The following KHDRBS2 variants were observed in gnomAD, a reference collection of about 807,000 sequenced individuals.
KHDRBS2 encodes the protein KH domain-containing, RNA-binding, signal transduction-associated protein 2.
In KHDRBS2, 26 loss-of-function variants were observed where a neutral mutation model predicts 44.3. The ratio of observed to expected loss-of-function variants is 0.59; its 90% CI spans 0.43 to 0.81. The LOEUF (loss-of-function observed/expected upper bound fraction) is 0.81. KHDRBS2 is among the 40% of genes least tolerant of loss of function. The pLI is 0.00. For missense variants in KHDRBS2, 476 were observed against 433.1 expected (o/e 1.10, Z -0.88); for synonymous variants, 194 against 151.1 (o/e 1.28, Z -2.08).
At chr6:62,093,856 TTGTG>T (rs61194705) in intron 2 of KHDRBS2, among the ~76,000 whole-genome samples, 3,665 of 143,262 alleles carry the variant, frequency 0.026, 68 homozygotes, top group East Asian at 0.11. Flanking sequence ...TTCCATTGTT[TTGTG>T]TGTGTGTGTG....
intron 4 of KHDRBS2, among the ~76,000 whole-genome samples, chr6:61,948,169 G>T: frequency 6.6e-6 from 1 of 151,838 alleles, no homozygotes; most frequent in Non-Finnish European, 1.5e-5. Flanking sequence ...ATGACAATAA[G>T]AAATAGAAAT....
At chr6:61,601,398 T>C in the KHDRBS2 span, among the ~76,000 whole-genome samples, 3 of 152,090 alleles carry the variant, frequency 2.0e-5, no homozygotes, top group South Asian at 6.2e-4. Context: ...TCAACTCACA[T>C]CTGACTTAAA....
At chr6:62,279,998 C>T (rs1841573816) in intron 1 of KHDRBS2, among the ~76,000 whole-genome samples, 1 of 152,172 alleles carries the variant, frequency 6.6e-6, no homozygotes, top group Non-Finnish European at 1.5e-5. Flanking sequence ...GGAGCTGTTT[C>T]TCTAGTGAGA....
intron 6 of KHDRBS2, among the ~76,000 whole-genome samples, chr6:61,836,632 C>T (rs1020519217): frequency 3.3e-5 from 5 of 151,992 alleles, no homozygotes; most frequent in Admixed American, 3.3e-4. Flanking sequence ...AGTGCTATAA[C>T]TAACTAGAGA....
At chr6:61,995,651 T>G (rs1215636594) in intron 3 of KHDRBS2, among the ~76,000 whole-genome samples, 2 of 152,154 alleles carry the variant, frequency 1.3e-5, no homozygotes, top group Non-Finnish European at 2.9e-5. Context: ...AGGGTGAGTC[T>G]GAATGTGGGG....
At chr6:61,874,765 A>G (rs1390687958) in intron 6 of KHDRBS2, among the ~76,000 whole-genome samples, 1 of 152,070 alleles carries the variant, frequency 6.6e-6, no homozygotes, top group Non-Finnish European at 1.5e-5. Context: ...CCCCTCCTCT[A>G]TACACCCATC....
the KHDRBS2 span, among the ~76,000 whole-genome samples, chr6:61,656,192 A>G: frequency 6.6e-6 from 1 of 152,086 alleles, no homozygotes; most frequent in Non-Finnish European, 1.5e-5. Context: ...TCAACAAGGA[A>G]AATAACACTG....
intron 8 of KHDRBS2, among the ~76,000 whole-genome samples, chr6:61,689,012 C>T (rs998340057): frequency 2.0e-5 from 3 of 151,906 alleles, no homozygotes; most frequent in Admixed American, 6.6e-5. Context: ...GTGATATCAG[C>T]CCAACCTGAG....
the KHDRBS2 span, among the ~76,000 whole-genome samples, chr6:61,662,034 T>C: frequency 6.6e-6 from 1 of 152,064 alleles, no homozygotes; most frequent in African/African-American, 2.4e-5. Flanking sequence ...AGCATGGTAC[T>C]GGTACCAAAA....
chr6:61,893,131 A>G (rs1472245534), intron 6 of KHDRBS2, among the ~76,000 whole-genome samples: 1 of 152,260 alleles, frequency 6.6e-6, no homozygotes, highest in East Asian at 1.9e-4. Context: ...TTATGCAGCC[A>G]AAAGACACAT....
rs575740604 is a variant in KHDRBS2 at position 62,052,502 on chromosome 6, T to G, written c.220-4508A>C. On this transcript the variant is annotated intron_variant, in intron 2 of 8. Transcript: ENST00000281156. ...AAGTCAGAGGATAAAATGTAGGAGATATGTAGGATGAACAAGTCTAGAGAC... is the reference window on the plus strand; with the variant it reads ...AAGTCAGAGGATAAAATGTAGGAGAGATGTAGGATGAACAAGTCTAGAGAC... Among the ~76,000 whole-genome samples the G allele has an allele frequency of 4.0e-5, 6 of 150,750 alleles. No homozygotes were observed. The South Asian group carries it at 1.3e-3, about 32-fold the overall frequency.
chr6:61,702,151 C>G (rs974414274), intron 7 of KHDRBS2, among the ~76,000 whole-genome samples: 5 of 151,864 alleles, frequency 3.3e-5, no homozygotes, highest in African/African-American at 1.2e-4. Flanking sequence ...CAATCTGTCC[C>G]TTATTCCATA....
At chr6:61,619,434 T>G in the KHDRBS2 span, among the ~76,000 whole-genome samples, 1 of 95,426 alleles carries the variant, frequency 1.0e-5, no homozygotes, top group East Asian at 3.0e-4. Flanking sequence ...GAAAATACAT[T>G]ATTTTTGTTT....
At chr6:61,660,980 T>C in the KHDRBS2 span, among the ~76,000 whole-genome samples, 1 of 151,876 alleles carries the variant, frequency 6.6e-6, no homozygotes, top group Non-Finnish European at 1.5e-5. Flanking sequence ...AGTTGATTAT[T>C]GCTTTTGTTT....
intron 4 of KHDRBS2, among the ~76,000 whole-genome samples, chr6:61,974,251 T>C (rs1256587959): frequency 3.3e-5 from 5 of 152,126 alleles, no homozygotes; most frequent in Non-Finnish European, 5.9e-5. Context: ...GGTAGTACTA[T>C]TCACAAACTA....
At chr6:61,862,845 G>C (rs1411233502) in intron 6 of KHDRBS2, among the ~76,000 whole-genome samples, 1 of 152,098 alleles carries the variant, frequency 6.6e-6, no homozygotes, top group African/African-American at 2.4e-5. Context: ...GAATGGGTTA[G>C]GGAGGAATCT....
At chr6:61,890,689 C>T (rs1183408059) in intron 6 of KHDRBS2, among the ~76,000 whole-genome samples, 1 of 152,190 alleles carries the variant, frequency 6.6e-6, no homozygotes, top group Admixed American at 6.5e-5. Flanking sequence ...GATCCTACCA[C>T]CCTTGTTGTG....
At chr6:62,117,446 A>T (rs1230432687) in intron 2 of KHDRBS2, among the ~76,000 whole-genome samples, 7 of 152,120 alleles carry the variant, frequency 4.6e-5, no homozygotes, top group Admixed American at 4.6e-4. Context: ...TTAAAATCAA[A>T]TTATTTGTGA....
intron 3 of KHDRBS2, among the ~76,000 whole-genome samples, chr6:62,025,098 T>A (rs1783051987): frequency 6.6e-6 from 1 of 151,756 alleles, no homozygotes; most frequent in South Asian, 2.1e-4. Flanking sequence ...CTCTAATGAA[T>A]AGCAAATTTC....
Sources: gnomAD v4.1 joint callset for allele counts (sites outside exome capture counted in the v4.1 genomes callset) on GRCh38, gnomAD v4.1.1 for gene constraint, MANE v1.5 for transcripts, NCBI Gene and HGNC (gene_info 2026-07-23, HGNC 2026-07-21) for gene names.